Variants in WDFY4 observed in about 807,000 individuals in gnomAD.
The protein encoded by WDFY4 is WDFY family member 4, also known as WD repeat- and FYVE domain-containing protein 4.
Under a neutral mutation model 351.9 loss-of-function variants are expected in WDFY4, and 169 were observed. The observed-to-expected ratio is 0.48, with a 90% CI of 0.42 to 0.55. The LOEUF is 0.55. WDFY4 is among the 20% of genes least tolerant of loss of function. The probability of loss-of-function intolerance (pLI) is 0.00; values close to 1 mark genes in which losing one functional copy is unlikely to be tolerated. For synonymous variants in WDFY4, 1,622 were observed against 1,574.6 expected, an observed-to-expected ratio of 1.03 and a Z score of -0.71; for missense variants, 3,803 against 3,935.6, an observed-to-expected ratio of 0.97 and a Z score of 0.90.
At chr10:48,750,394 C>T (rs1342751314) in intron 12 of WDFY4, among the ~76,000 whole-genome samples, 1 of 152,228 alleles carries the variant, frequency 6.6e-6, no homozygotes, top group Non-Finnish European at 1.5e-5. Context: ...GGCATGCAGC[C>T]ATGCAGCCAT....
At chr10:48,914,226 T>A in intron 47 of WDFY4, 1 of 1,490,646 alleles carries the variant, frequency 6.7e-7, no homozygotes, top group Non-Finnish European at 9.0e-7. Flanking sequence ...GGAAAAATCA[T>A]GAAAAACTGC....
intron 48 of WDFY4, 104 bp downstream of exon 48, chr10:48,941,952 C>T (rs1313603376): frequency 1.1e-5 from 12 of 1,093,408 alleles, no homozygotes; most frequent in African/African-American, 1.6e-5. Flanking sequence ...AAGAAGGGAT[C>T]TTATTATTTA....
chr10:48,732,104 C>A (rs2132343315), intron 9 of WDFY4, among the ~76,000 whole-genome samples: 1 of 152,292 alleles, frequency 6.6e-6, no homozygotes, highest in Admixed American at 6.5e-5. Context: ...GGCCCCTGCA[C>A]CCTGGAGTCT....
intron 12 of WDFY4, among the ~76,000 whole-genome samples, chr10:48,756,867 A>G (rs1344453390): frequency 6.6e-6 from 1 of 152,060 alleles, no homozygotes; most frequent in Non-Finnish European, 1.5e-5. Flanking sequence ...TTTTGCACCT[A>G]TGTTCATTAG....
chr10:48,926,783 A>T (rs773991126), intron 47 of WDFY4, among the ~76,000 whole-genome samples: 1 of 152,252 alleles, frequency 6.6e-6, no homozygotes, highest in Non-Finnish European at 1.5e-5. Context: ...AATGAAAGAG[A>T]GAAAGAGAAA....
Position 48,897,583 on chromosome 10 carries a change from A to G in WDFY4, c.7437+9A>G, listed in dbSNP as rs1028768480. 3.9e-6 allele frequency: 6 copies of G among 1,544,006 alleles called. No individual in the cohort carries two copies. The highest frequency in any genetic ancestry group is 5.2e-6 in the Non-Finnish European group (6 of 1,146,452). ...CTCGCTTCCTCCTGCAGGTAAGCAC[A>G]CTGGGTGCTGGCACGCCTGGGGCCT... On this transcript the variant is annotated intron_variant, in intron 45 of 61. Coordinates refer to ENST00000325239, the MANE Select transcript of WDFY4 (RefSeq NM_001394531.1).
At position 48,975,286 on chromosome 10, in the gene WDFY4, A is replaced by AC. The variant is rs1421528036; in HGVS notation, c.9108+247dup. The AC allele has an allele frequency of 6.6e-6, 4 of 608,898 alleles. No homozygotes were observed. The East Asian group carries it at 1.2e-4, about 18-fold the overall frequency. The allele number at this position is 608,898 out of a possible 1,614,324, so 37.7% of individuals were successfully genotyped here. A position where few individuals can be genotyped will look rare whatever the true frequency, so the allele number is the denominator to read the frequency against. On this transcript the variant is annotated intron_variant, in intron 58 of 61. Transcript: ENST00000325239. ...GGGAAGTGTCTGCTTTGCTGCGGGC[A>AC]CCAGGGGGCTGCAGCTGAAAAATTG...
At chr10:48,784,593 G>A (rs1227512766) in intron 19 of WDFY4, among the ~76,000 whole-genome samples, 2 of 130,550 alleles carry the variant, frequency 1.5e-5, no homozygotes, top group South Asian at 5.0e-4. Flanking sequence ...GCAGGCTGGA[G>A]TGAAGTGGTG....
At chr10:48,700,159 C>G (rs1324982690) in intron 1 of WDFY4, among the ~76,000 whole-genome samples, 1 of 152,182 alleles carries the variant, frequency 6.6e-6, no homozygotes, top group Non-Finnish European at 1.5e-5. Context: ...CATCAGCAGG[C>G]GAATCATCTC....
intron 47 of WDFY4, among the ~76,000 whole-genome samples, chr10:48,924,355 T>G (rs1225220052): frequency 6.6e-6 from 1 of 152,248 alleles, no homozygotes; most frequent in Admixed American, 6.5e-5. Flanking sequence ...CATGATCTTT[T>G]GATCATCTGT....
intron 43 of WDFY4, among the ~76,000 whole-genome samples, chr10:48,886,872 A>G (rs976428647): frequency 1.3e-5 from 2 of 152,326 alleles, no homozygotes; most frequent in African/African-American, 2.4e-5. Flanking sequence ...AAAAAGCTCT[A>G]CTTATGAGGC....
intron 39 of WDFY4, among the ~76,000 whole-genome samples, chr10:48,863,385 C>T (rs1289305538): frequency 6.6e-6 from 1 of 152,156 alleles, no homozygotes; most frequent in Non-Finnish European, 1.5e-5. Flanking sequence ...TTCTAACCAT[C>T]CTACTTGGTT....
intron 6 of WDFY4, among the ~76,000 whole-genome samples, chr10:48,726,346 A>G (rs141689514): frequency 1.4e-4 from 22 of 152,264 alleles, no homozygotes; most frequent in African/African-American, 3.6e-4. Flanking sequence ...CACACTACCA[A>G]TCAGACACTG....
At chr10:48,968,937 A>C (rs945671423) in intron 55 of WDFY4, 127 bp from the exon 56 acceptor site, 7 of 929,714 alleles carry the variant, frequency 7.5e-6, no homozygotes, top group Non-Finnish European at 1.1e-5. Context: ...GCCCAGCTGC[A>C]GTGGGTGCTG....
chr10:48,876,140 A>G (rs561260793), intron 42 of WDFY4, among the ~76,000 whole-genome samples: 67 of 152,332 alleles, frequency 4.4e-4, no homozygotes, highest in African/African-American at 1.3e-3. Flanking sequence ...GAGCTCAGCC[A>G]AAGGAGAAAA....
Position 48,957,263 on chromosome 10 carries a change from C to G in WDFY4, c.8112C>G (p.Asn2704Lys). 6.4e-7 allele frequency: 1 copy of G among 1,551,608 alleles called. No homozygotes were observed. Among genetic ancestry groups the G allele is most frequent in the Non-Finnish European group, 8.7e-7 (1 of 1,146,890 alleles). ...TCTACCTGCCTGAGTTCTTAACCAA[C>G]TGCAACGGGGTAGAGTTCGGTAAGT... ...EFFYLPEFLT[N>K]CNGVEFGCMQ... Residue 2704 changes from asparagine to lysine, a missense_variant, in exon 52 of 62, where the codon AAC becomes AAG. By Grantham distance (94) the Asn-to-Lys change is moderately conservative. Transcript: ENST00000325239.
intron 6 of WDFY4, 73 bp downstream of exon 6, chr10:48,726,143 G>A (rs546426680): frequency 1.6e-5 from 23 of 1,462,030 alleles, no homozygotes; most frequent in Middle Eastern, 2.5e-4. Flanking sequence ...CAAAGGCTGA[G>A]GGCCCACTTT....
intron 1 of WDFY4, among the ~76,000 whole-genome samples, chr10:48,702,165 A>G (rs7897333): frequency 0.6 from 91,034 of 151,898 alleles, 27,420 homozygotes; most frequent in East Asian, 0.75. Flanking sequence ...TCATCTCTGT[A>G]TCATCTCTCT....
At position 48,719,986 on chromosome 10, in the gene WDFY4, G is replaced by T; in HGVS notation, c.235-25G>T. ...CCCTGCTTGTGGCATTGCTATCTCT[G>T]ACCAAGTCCCATCTGTTGCTTCAGG... On this transcript the variant is annotated intron_variant, in intron 2 of 61. Transcript: ENST00000325239. 5 of 1,547,988 alleles carry T rather than the reference G, an allele frequency of 3.2e-6. No individual in the cohort carries two copies. In the South Asian group the frequency reaches 6.0e-5, roughly 18 times the overall value.
Sources: allele counts gnomAD v4.1 joint callset (sites outside exome capture counted in the v4.1 genomes callset), GRCh38; gene constraint gnomAD v4.1.1; transcripts MANE v1.5; gene names NCBI Gene and HGNC (gene_info 2026-07-23, HGNC 2026-07-21).